MCPH1: variants seen among roughly 807,000 people sequenced by gnomAD.
MCPH1 encodes the protein microcephalin 1.
MCPH1 carries 104 observed loss-of-function variants against 84.5 expected under a neutral mutation model. That is an observed-to-expected ratio of 1.23 (90% CI 1.05 to 1.45). The LOEUF is 1.45. Among genes scored for constraint, MCPH1 ranks in the 40% most tolerant of loss-of-function variants. MCPH1 has a pLI of 0.00. For synonymous variants in MCPH1, 514 were observed against 366.8 expected, an observed-to-expected ratio of 1.40 and a Z score of -4.58; for missense variants, 1,498 against 1,005.7, an observed-to-expected ratio of 1.49 and a Z score of -6.62.
chr8:6,483,380 G>A (rs538555033), intron 11 of MCPH1, among the ~76,000 whole-genome samples: 3 of 152,286 alleles, frequency 2.0e-5, no homozygotes, highest in African/African-American at 7.2e-5. Flanking sequence ...AATTTAGAAA[G>A]GAAAGAACAA....
intron 3 of MCPH1, among the ~76,000 whole-genome samples, chr8:6,428,821 G>C (rs1005792929): frequency 6.6e-6 from 1 of 152,162 alleles, no homozygotes; most frequent in African/African-American, 2.4e-5. Context: ...TCTCTTTCTT[G>C]ACCCTTTTCA....
chr8:6,462,465 C>G (rs1401804075), intron 9 of MCPH1, among the ~76,000 whole-genome samples: 1 of 152,204 alleles, frequency 6.6e-6, no homozygotes, highest in Non-Finnish European at 1.5e-5. Context: ...GTGCTCTTAA[C>G]CATCACTCAG....
chr8:6,643,338 C>G lies in MCPH1; in HGVS notation c.*289C>G. On this transcript the variant is annotated 3_prime_UTR_variant, in exon 14 of 14. Coordinates refer to ENST00000344683, the MANE Select transcript of MCPH1 (RefSeq NM_024596.5). ...GGAGTGCAATGGCACAATCTCGGCT[C>G]ACTGCAACCTCCACCTCCCAGGTTC... 1 of 419,254 alleles carries G rather than the reference C, an allele frequency of 2.4e-6. No homozygotes were observed. Among genetic ancestry groups the G allele is most frequent in the East Asian group, 5.0e-5 (1 of 19,852 alleles). The allele number at this position is 419,254 out of a possible 1,614,324, so 26.0% of individuals were successfully genotyped here. A position where few individuals can be genotyped will look rare whatever the true frequency, so the allele number is the denominator to read the frequency against.
At chr8:6,593,471 C>T (rs1828678916) in intron 12 of MCPH1, among the ~76,000 whole-genome samples, 2 of 152,230 alleles carry the variant, frequency 1.3e-5, no homozygotes, top group South Asian at 2.1e-4. Context: ...TCTCCTGCCT[C>T]AGCCTTCCAA....
At chr8:6,424,374 C>G (rs1379961920) in intron 3 of MCPH1, among the ~76,000 whole-genome samples, 1 of 152,188 alleles carries the variant, frequency 6.6e-6, no homozygotes, top group African/African-American at 2.4e-5. Flanking sequence ...CCATCACCCC[C>G]TGCATTTAGT....
At chr8:6,446,300 G>A (rs1410274549) in intron 8 of MCPH1, 27 of 984,976 alleles carry the variant, frequency 2.7e-5, no homozygotes, top group South Asian at 1.4e-4. Flanking sequence ...AACTTTGACC[G>A]TCTTTACCTA....
At chr8:6,444,273 G>T in intron 7 of MCPH1, 120 bp from the exon 8 acceptor site, 2 of 1,154,614 alleles carry the variant, frequency 1.7e-6, no homozygotes, top group Non-Finnish European at 2.5e-6. Flanking sequence ...CTCAAGTGTG[G>T]TTAATAGTCT....
intron 10 of MCPH1, among the ~76,000 whole-genome samples, chr8:6,478,320 C>A (rs7833484): frequency 0.13 from 19,581 of 151,994 alleles, 1,336 homozygotes; most frequent in Middle Eastern, 0.24. Flanking sequence ...CATCAAACAC[C>A]ATACATTATA....
At position 6,477,956 on chromosome 8, in the gene MCPH1, A is replaced by G. The variant is rs115083818; in HGVS notation, c.1973+325A>G. On this transcript the variant is annotated intron_variant, in intron 10 of 13. Coordinates refer to ENST00000344683, the MANE Select transcript of MCPH1 (RefSeq NM_024596.5). ...CCAAAACATTTCCCTTAAAGGTCTT[A>G]AAGCAATACTGCAGCAGAAAGCTTT... Among the ~76,000 whole-genome samples the G allele has an allele frequency of 5.9e-3, 905 of 152,334 alleles. 10 individuals are homozygous for G. The highest frequency in any genetic ancestry group is 0.021 in the African/African-American group (870 of 41,576).
At chr8:6,507,470 G>A (rs117432685) in intron 12 of MCPH1, 5 of 151,766 alleles carry the variant, frequency 3.3e-5, no homozygotes, top group Admixed American at 6.6e-5. Flanking sequence ...TAACTTGACA[G>A]CATTTGTCAC....
intron 13 of MCPH1, among the ~76,000 whole-genome samples, chr8:6,627,662 GGGTGGGTCGTTTGAGCCCAGCA>G (rs1450034886): frequency 2.0e-5 from 3 of 152,152 alleles, no homozygotes; most frequent in Non-Finnish European, 2.9e-5. Flanking sequence ...AGGCCGAGGC[GGGTGGGTCGTTTGAGCCCAGCA>G]GCTCGAGTCC....
Position 6,642,924 on chromosome 8 carries a change from C to G in MCPH1, c.2453-70C>G, listed in dbSNP as rs1798027576. The G allele has an allele frequency of 2.8e-6, 4 of 1,415,992 alleles. No individual in the cohort carries two copies. The South Asian group carries it at 4.7e-5, about 17-fold the overall frequency. 87.7% of individuals were successfully genotyped at this position (1,415,992 alleles called of 1,614,324 possible). A position where few individuals can be genotyped will look rare whatever the true frequency, so the allele number is the denominator to read the frequency against. Reference sequence around the variant, plus strand: ...TTTTAAATATAGTTTCATGTATATACAAACAGGTTATCACTTTCCTATGTG... The same window carrying G: ...TTTTAAATATAGTTTCATGTATATAGAAACAGGTTATCACTTTCCTATGTG... On this transcript the variant is annotated intron_variant, in intron 13 of 13. Transcript: ENST00000344683.
At chr8:6,545,131 C>T (rs1428005438) in intron 12 of MCPH1, among the ~76,000 whole-genome samples, 1 of 151,674 alleles carries the variant, frequency 6.6e-6, no homozygotes, top group Admixed American at 6.6e-5. Context: ...AAGAATGGAC[C>T]GAACTTACTA....
chr8:6,437,542 A>G (rs1802845336), intron 5 of MCPH1, among the ~76,000 whole-genome samples: 1 of 152,124 alleles, frequency 6.6e-6, no homozygotes, highest in Non-Finnish European at 1.5e-5. Flanking sequence ...ATTTATTTTA[A>G]ATCTGTGACG....
At chr8:6,608,153 C>T (rs567446552) in intron 12 of MCPH1, among the ~76,000 whole-genome samples, 3 of 152,132 alleles carry the variant, frequency 2.0e-5, no homozygotes, top group Non-Finnish European at 2.9e-5. Context: ...AGCTGACTCA[C>T]GTGCGAGGGT....
At chr8:6,532,148 A>G (rs1296876883) in intron 12 of MCPH1, among the ~76,000 whole-genome samples, 1 of 152,140 alleles carries the variant, frequency 6.6e-6, no homozygotes, top group African/African-American at 2.4e-5. Context: ...AAAAACAAAA[A>G]CAGATTTACT....
At chr8:6,497,953 C>G (rs888255131) in intron 11 of MCPH1, among the ~76,000 whole-genome samples, 4 of 152,172 alleles carry the variant, frequency 2.6e-5, no homozygotes, top group African/African-American at 4.8e-5. Flanking sequence ...GTTCAAAGAA[C>G]TCTCAATGCT....
chr8:6,492,410 A>C (rs2515593), intron 11 of MCPH1, among the ~76,000 whole-genome samples: 145,598 of 151,462 alleles, frequency 0.96, 70,243 homozygotes, highest in East Asian at 1. Flanking sequence ...AAATTTTCTC[A>C]CATTCTGTAG....
intron 12 of MCPH1, 92 bp downstream of exon 12, chr8:6,500,021 G>T (rs1811842248): frequency 9.3e-7 from 1 of 1,073,882 alleles, no homozygotes; most frequent in South Asian, 1.3e-5. Flanking sequence ...TTTTTATCCA[G>T]TCAAGCACAA....
Sources: gnomAD v4.1 joint callset for allele counts (sites outside exome capture counted in the v4.1 genomes callset) on GRCh38, gnomAD v4.1.1 for gene constraint, MANE v1.5 for transcripts, NCBI Gene and HGNC (gene_info 2026-07-23, HGNC 2026-07-21) for gene names.